DAB1: variants seen among roughly 807,000 people sequenced by gnomAD.
DAB1 encodes the protein DAB adaptor protein 1, also known as disabled homolog 1.
Under a neutral mutation model 64.6 loss-of-function variants are expected in DAB1, and 15 were observed. That is an observed-to-expected ratio of 0.23 (90% CI 0.16 to 0.36). DAB1 has a LOEUF of 0.36. DAB1 is among the 10% of genes least tolerant of loss of function. The pLI, the probability that DAB1 is intolerant of heterozygous loss-of-function variation, is 1.00. For missense variants in DAB1, 596 were observed against 706.7 expected (o/e 0.84, Z 1.78); for synonymous variants, 235 against 251.9 (o/e 0.93, Z 0.64).
intron 6 of DAB1, among the ~76,000 whole-genome samples, chr1:57,692,247 G>A (rs1250811685): frequency 1.1e-4 from 17 of 152,038 alleles, no homozygotes; most frequent in African/African-American, 1.4e-4. Context: ...GGCTAGTCCC[G>A]CTTCTAAAAA....
chr1:58,543,505 T>C (rs947507606), intron 1 of DAB1, among the ~76,000 whole-genome samples: 1 of 152,142 alleles, frequency 6.6e-6, no homozygotes, highest in African/African-American at 2.4e-5. Context: ...ATGGTGTTGA[T>C]CACTACCCAC....
At position 58,323,721 on chromosome 1, in the gene DAB1, C is replaced by T. The variant is rs532273240; in HGVS notation, n.309+19631G>A. On this transcript the variant is annotated intron_variant and non_coding_transcript_variant, in intron 4 of 20. Coordinates refer to the DAB1 transcript ENST00000485760. ...CGGGCAGATCATGAGGTCAGGAGAT[C>T]GAGACCATCCTGGCTAACACGGTGA... Among the ~76,000 whole-genome samples, 80 of 152,038 alleles carry T rather than the reference C, an allele frequency of 5.3e-4. 1 individual carries two copies. The highest frequency in any genetic ancestry group is 1.8e-3 in the African/African-American group (76 of 41,472).
intron 3 of DAB1, among the ~76,000 whole-genome samples, chr1:58,466,609 A>C (rs986359362): frequency 2.0e-5 from 3 of 152,154 alleles, no homozygotes; most frequent in Non-Finnish European, 4.4e-5. Flanking sequence ...ATTCATCTTC[A>C]GGCCTCAGAG....
chr1:57,170,486 T>C (rs1441476965), intron 2 of DAB1, among the ~76,000 whole-genome samples: 1 of 152,202 alleles, frequency 6.6e-6, no homozygotes, highest in Non-Finnish European at 1.5e-5. Context: ...GGGCAAGGCA[T>C]ATTCACAAAC....
intron 7 of DAB1, among the ~76,000 whole-genome samples, chr1:57,640,372 T>C (rs1254883394): frequency 1.3e-5 from 2 of 152,240 alleles, no homozygotes; most frequent in Non-Finnish European, 2.9e-5. Flanking sequence ...TATAACCATT[T>C]ATACTTTACC....
intron 1 of DAB1, among the ~76,000 whole-genome samples, chr1:57,882,831 A>T (rs1217768338): frequency 6.6e-6 from 1 of 152,156 alleles, no homozygotes; most frequent in Non-Finnish European, 1.5e-5. Context: ...GGTGAAAGAA[A>T]CCTGTCAGCA....
chr1:58,507,888 CACAA>C (rs1422062012), intron 2 of DAB1, among the ~76,000 whole-genome samples: 2 of 152,130 alleles, frequency 1.3e-5, no homozygotes, highest in Non-Finnish European at 2.9e-5. Context: ...AGAATTCTAA[CACAA>C]ACAAAAAACC....
chr1:58,448,848 G>A (rs1169125924), intron 3 of DAB1, among the ~76,000 whole-genome samples: 4 of 152,222 alleles, frequency 2.6e-5, no homozygotes, highest in African/African-American at 4.8e-5. Flanking sequence ...TGCCTTGGCT[G>A]TGAGTACAGC....
intron 2 of DAB1, among the ~76,000 whole-genome samples, chr1:57,192,991 T>C (rs1165118430): frequency 1.3e-5 from 2 of 152,320 alleles, no homozygotes; most frequent in South Asian, 2.1e-4. Flanking sequence ...TTTTGAAATA[T>C]GTATACATTG....
At chr1:57,444,184 T>C (rs552428704) in intron 7 of DAB1, among the ~76,000 whole-genome samples, 3 of 152,146 alleles carry the variant, frequency 2.0e-5, no homozygotes, top group Non-Finnish European at 4.4e-5. Context: ...CCTACTCTTA[T>C]AAACTCTTGA....
intron 3 of DAB1, among the ~76,000 whole-genome samples, chr1:58,493,587 A>G (rs1569886069): frequency 6.6e-6 from 1 of 151,440 alleles, no homozygotes; most frequent in East Asian, 1.9e-4. Context: ...TACAAAATCA[A>G]TGTGCAAAAA....
At chr1:57,362,745 G>T (rs1433406475) in intron 1 of DAB1, among the ~76,000 whole-genome samples, 1 of 152,050 alleles carries the variant, frequency 6.6e-6, no homozygotes, top group Non-Finnish European at 1.5e-5. Context: ...TTGTTTATTA[G>T]CTACTCAGTT....
At chr1:58,043,415 C>T (rs983424567) in intron 5 of DAB1, among the ~76,000 whole-genome samples, 1 of 152,160 alleles carries the variant, frequency 6.6e-6, no homozygotes, top group Non-Finnish European at 1.5e-5. Flanking sequence ...TTGGCAGAAA[C>T]TTCAGAGACA....
chr1:57,584,383 T>G (rs181934065), intron 7 of DAB1, among the ~76,000 whole-genome samples: 1 of 152,336 alleles, frequency 6.6e-6, no homozygotes, highest in Admixed American at 6.5e-5. Context: ...TTTTATCAAA[T>G]CACAGGGCTG....
At chr1:57,380,803 G>C (rs756986628) in intron 1 of DAB1, among the ~76,000 whole-genome samples, 4 of 152,164 alleles carry the variant, frequency 2.6e-5, no homozygotes, top group Non-Finnish European at 5.9e-5. Flanking sequence ...GGCTGTACAG[G>C]AGCTTGATGA....
chr1:58,265,195 A>G (rs1325050716), intron 4 of DAB1, among the ~76,000 whole-genome samples: 4 of 152,244 alleles, frequency 2.6e-5, no homozygotes, highest in Admixed American at 2.6e-4. Context: ...CCCATTCAAT[A>G]AACAAGGAAA....
At chr1:58,441,463 A>G (rs1569793170) in intron 3 of DAB1, among the ~76,000 whole-genome samples, 1 of 152,312 alleles carries the variant, frequency 6.6e-6, no homozygotes. Flanking sequence ...GATCAAACCC[A>G]AGGTCGAGTA....
chr1:58,245,705 A>G (rs1369326893), intron 4 of DAB1, among the ~76,000 whole-genome samples: 1 of 152,154 alleles, frequency 6.6e-6, no homozygotes, highest in East Asian at 1.9e-4. Context: ...TAAAATAAGG[A>G]TTACAACACC....
At chr1:57,741,396 C>G (rs1034826914) in intron 6 of DAB1, among the ~76,000 whole-genome samples, 1 of 152,128 alleles carries the variant, frequency 6.6e-6, no homozygotes, top group East Asian at 1.9e-4. Context: ...ATTTGATAGA[C>G]CAACAAATTG....
Sources: allele counts gnomAD v4.1 joint callset (sites outside exome capture counted in the v4.1 genomes callset), GRCh38; gene constraint gnomAD v4.1.1; transcripts MANE v1.5; gene names NCBI Gene and HGNC (gene_info 2026-07-23, HGNC 2026-07-21).